Variants in CDK8 observed in about 807,000 individuals in gnomAD.
CDK8 encodes cyclin-dependent kinase 8.
A neutral mutation model predicts 71.5 loss-of-function variants in CDK8; 29 were observed. That is an observed-to-expected ratio of 0.41 (90% confidence interval 0.30 to 0.55). The LOEUF is 0.55. CDK8 is among the 20% of genes least tolerant of loss of function. CDK8 has a pLI of 0.37. For missense variants in CDK8, 288 were observed against 572.6 expected, an observed-to-expected ratio of 0.50 and a Z score of 5.07; for synonymous variants, 161 against 192.1, an observed-to-expected ratio of 0.84 and a Z score of 1.34.
chr13:26,362,683 G>A (rs1328280191), intron 4 of CDK8, among the ~76,000 whole-genome samples: 1 of 152,076 alleles, frequency 6.6e-6, no homozygotes, highest in East Asian at 1.9e-4. Context: ...TGTTTCAAAT[G>A]CCAGTCTCTT....
chr13:26,289,726 A>AT (rs1873208890), intron 1 of CDK8, among the ~76,000 whole-genome samples: 1 of 151,800 alleles, frequency 6.6e-6, no homozygotes, highest in Non-Finnish European at 1.5e-5. Context: ...AATTTTTTGT[A>AT]TTTTTAGTAG....
At chr13:26,304,032 G>A (rs1057291674) in intron 1 of CDK8, among the ~76,000 whole-genome samples, 2 of 152,050 alleles carry the variant, frequency 1.3e-5, no homozygotes, top group African/African-American at 2.4e-5. Context: ...CAGGGAGGCC[G>A]AGGCGGGTGG....
At chr13:26,303,541 G>A (rs1257892360) in intron 1 of CDK8, among the ~76,000 whole-genome samples, 2 of 151,948 alleles carry the variant, frequency 1.3e-5, no homozygotes, top group Non-Finnish European at 2.9e-5. Flanking sequence ...ACCTCAGGTG[G>A]TGTGAGCCAC....
At chr13:26,368,499 C>T (rs1215024624) in intron 4 of CDK8, among the ~76,000 whole-genome samples, 1 of 152,136 alleles carries the variant, frequency 6.6e-6, no homozygotes, top group Admixed American at 6.5e-5. Flanking sequence ...AGAAAGAAAA[C>T]ATGCTGCCAA....
At chr13:26,347,057 T>C (rs1028911361) in intron 2 of CDK8, among the ~76,000 whole-genome samples, 3 of 152,200 alleles carry the variant, frequency 2.0e-5, no homozygotes, top group Non-Finnish European at 4.4e-5. Flanking sequence ...CTGGGCTTCA[T>C]GAGAGGCTTT....
chr13:26,272,458 A>G (rs1872374985), intron 1 of CDK8, among the ~76,000 whole-genome samples: 1 of 152,238 alleles, frequency 6.6e-6, no homozygotes, highest in Non-Finnish European at 1.5e-5. Context: ...TAGTGCAGAC[A>G]TGGAGCTGTC....
At chr13:26,258,419 C>CT (rs1357445460) in intron 1 of CDK8, among the ~76,000 whole-genome samples, 5 of 151,258 alleles carry the variant, frequency 3.3e-5, no homozygotes, top group African/African-American at 1.2e-4. Flanking sequence ...TTTTCAAGTG[C>CT]TATAAAACTG....
At position 26,353,894 on chromosome 13, in the gene CDK8, TA is replaced by T. The variant is rs1184283888; in HGVS notation, c.456+16del. Reference sequence around the variant, plus strand: ...CACAGAGATTTGGTAAGTTGACCTGTAATTGGTTTAAACTAGAAAGATGCAT... The same window carrying T: ...CACAGAGATTTGGTAAGTTGACCTGTATTGGTTTAAACTAGAAAGATGCAT... On this transcript the variant is annotated intron_variant, in intron 4 of 12. Transcript: ENST00000381527. 1 of 1,610,654 alleles carries T rather than the reference TA, an allele frequency of 6.2e-7. No individual in the cohort carries two copies. Among genetic ancestry groups the T allele is most frequent in the Admixed American group, 1.7e-5 (1 of 60,004 alleles).
At chr13:26,348,335 T>C (rs1873545944) in intron 2 of CDK8, among the ~76,000 whole-genome samples, 1 of 152,102 alleles carries the variant, frequency 6.6e-6, no homozygotes, top group African/African-American at 2.4e-5. Context: ...ACGTTAGGAA[T>C]TGGGCCGTAC....
At chr13:26,363,715 GT>G (rs1874255487) in intron 4 of CDK8, among the ~76,000 whole-genome samples, 1 of 152,074 alleles carries the variant, frequency 6.6e-6, no homozygotes, top group Admixed American at 6.5e-5. Context: ...CTGTCCTGCA[GT>G]TTATTTTAAT....
At chr13:26,347,041 A>G (rs975959416) in intron 2 of CDK8, among the ~76,000 whole-genome samples, 4 of 152,212 alleles carry the variant, frequency 2.6e-5, no homozygotes, top group African/African-American at 2.4e-5. Flanking sequence ...TGATAAAGAC[A>G]TAGTACTGGG....
chr13:26,373,851 T>G (rs9581654), intron 4 of CDK8, among the ~76,000 whole-genome samples: 1 of 151,752 alleles, frequency 6.6e-6, no homozygotes, highest in East Asian at 1.9e-4. Context: ...GGAAAAGAGA[T>G]AGTGTGTGTT....
chr13:26,306,435 T>C (rs796960), intron 1 of CDK8, among the ~76,000 whole-genome samples: 126,011 of 152,050 alleles, frequency 0.83, 53,925 homozygotes, highest in East Asian at 0.99. Flanking sequence ...TATTTAATTA[T>C]AGTTTTGCTT....
chr13:26,377,784 A>T (rs560690493), intron 4 of CDK8, among the ~76,000 whole-genome samples: 7 of 152,146 alleles, frequency 4.6e-5, no homozygotes, highest in African/African-American at 1.7e-4. Flanking sequence ...CTTACTGAGT[A>T]TGTGTCTATT....
intron 1 of CDK8, among the ~76,000 whole-genome samples, chr13:26,312,750 G>C (rs191763872): frequency 6.6e-6 from 1 of 152,220 alleles, no homozygotes; most frequent in African/African-American, 2.4e-5. Context: ...TCTAAGGTCT[G>C]CTCCTCCTTG....
intron 2 of CDK8, among the ~76,000 whole-genome samples, chr13:26,344,387 T>G (rs559797697): frequency 6.6e-6 from 1 of 152,158 alleles, no homozygotes; most frequent in Non-Finnish European, 1.5e-5. Context: ...CTAAGGTACA[T>G]ATACATTAGC....
At chr13:26,381,844 A>T (rs2138044550) in intron 4 of CDK8, among the ~76,000 whole-genome samples, 1 of 152,214 alleles carries the variant, frequency 6.6e-6, no homozygotes, top group African/African-American at 2.4e-5. Flanking sequence ...CTTAGGGGCC[A>T]TCACTACATA....
chr13:26,329,122 T>C (rs1875168618), intron 1 of CDK8, among the ~76,000 whole-genome samples: 1 of 152,228 alleles, frequency 6.6e-6, no homozygotes, highest in Admixed American at 6.5e-5. Context: ...TTTATACTTA[T>C]CGTCCTTATG....
intron 1 of CDK8, among the ~76,000 whole-genome samples, chr13:26,301,941 C>T (rs528802193): frequency 2.8e-4 from 43 of 152,254 alleles, no homozygotes; most frequent in African/African-American, 8.2e-4. Flanking sequence ...GGGCTATTTC[C>T]CACTCTGGTT....
Sources: allele counts gnomAD v4.1 joint callset (sites outside exome capture counted in the v4.1 genomes callset), GRCh38; gene constraint gnomAD v4.1.1; transcripts MANE v1.5; gene names NCBI Gene and HGNC (gene_info 2026-07-23, HGNC 2026-07-21).